Variants in COG6 observed in about 807,000 individuals in gnomAD.
The protein encoded by COG6 is component of oligomeric golgi complex 6.
COG6 carries 74 observed loss-of-function variants against 88.8 expected under a neutral mutation model. The ratio of observed to expected loss-of-function variants is 0.83; its 90% CI spans 0.69 to 1.01. The LOEUF is 1.01. Ranked by LOEUF, COG6 falls within the 50% of genes least tolerant of loss-of-function variation. The probability of loss-of-function intolerance (pLI) is 0.00; values close to 1 mark genes in which losing one functional copy is unlikely to be tolerated. For synonymous variants in COG6, 286 were observed against 278.7 expected (o/e 1.03, Z -0.26); for missense variants, 800 against 797.9 (o/e 1.00, Z -0.03).
chr13:39,721,785 T>G (rs1254529038), intron 15 of COG6, among the ~76,000 whole-genome samples: 1 of 152,090 alleles, frequency 6.6e-6, no homozygotes, highest in Non-Finnish European at 1.5e-5. Flanking sequence ...TTATATAGCT[T>G]CTTCCAGTGT....
In COG6 at chr13:39,682,181, A is replaced by G. The variant is rs1876352928; in HGVS notation, c.705A>G (p.Arg235=). 1 of 1,609,266 alleles carries G rather than the reference A, an allele frequency of 6.2e-7. No homozygotes were observed. The highest frequency in any genetic ancestry group is 1.3e-5 in the African/African-American group (1 of 74,908). ...TTAATTATTTTTCAGGTGAATGCAG[A>G]ACATTGACACAAGAATCATGTGACG... ...RLYRWAQSEC[R]TLTQESCDVS... Residue 235 remains arginine (R), a synonymous_variant, in exon 8 of 19, where the codon AGA becomes AGG. Coordinates refer to ENST00000455146, the MANE Select transcript of COG6 (RefSeq NM_020751.3).
intron 8 of COG6, among the ~76,000 whole-genome samples, chr13:39,684,268 T>TTTTTTTTTTTA (rs11435086): frequency 1.5e-5 from 2 of 134,028 alleles, no homozygotes; most frequent in Non-Finnish European, 3.2e-5. Flanking sequence ...TTTTTTTTTT[T>TTTTTTTTTTTA]GAGACGGAGT....
At chr13:39,684,243 A>AT (rs1203671335) in intron 8 of COG6, among the ~76,000 whole-genome samples, 17,797 of 66,306 alleles carry the variant, frequency 0.27, 4,377 homozygotes, top group African/African-American at 0.36. Context: ...AATTTGGAAG[A>AT]TTTTTTTTTT....
chr13:39,761,697 A>G (rs536361312), intron 18 of COG6, among the ~76,000 whole-genome samples: 46 of 151,858 alleles, frequency 3.0e-4, no homozygotes, highest in African/African-American at 1.1e-3. Flanking sequence ...AAAATATCCA[A>G]TTTTAAAAAT....
intron 1 of COG6, among the ~76,000 whole-genome samples, chr13:39,657,323 C>T (rs775978986): frequency 7.2e-5 from 11 of 152,174 alleles, no homozygotes; most frequent in Non-Finnish European, 1.0e-4. Context: ...TGAACCACTG[C>T]GCCCGGCCAC....
chr13:39,656,912 C>G, intron 1 of COG6: 1 of 454,790 alleles, frequency 2.2e-6, no homozygotes, highest in South Asian at 1.6e-5. Context: ...TGCAAAGAGC[C>G]TGGCACTTAC....
At chr13:39,776,796 G>T (rs1213179902) in intron 18 of COG6, among the ~76,000 whole-genome samples, 1 of 152,138 alleles carries the variant, frequency 6.6e-6, no homozygotes, top group African/African-American at 2.4e-5. Flanking sequence ...CTATCTAGCT[G>T]CTAGGAAAGT....
chr13:39,726,282 A>G (rs2138090257), intron 17 of COG6, among the ~76,000 whole-genome samples: 1 of 152,094 alleles, frequency 6.6e-6, no homozygotes, highest in Non-Finnish European at 1.5e-5. Context: ...TTAAATAGTT[A>G]TTAACCGAGT....
intron 5 of COG6, among the ~76,000 whole-genome samples, chr13:39,678,864 A>G (rs1174741627): frequency 1.3e-5 from 2 of 152,174 alleles, no homozygotes. Context: ...CTTTGCACAT[A>G]TGAAATATTT....
intron 13 of COG6, among the ~76,000 whole-genome samples, chr13:39,710,197 T>G (rs997225468): frequency 6.6e-6 from 1 of 152,168 alleles, no homozygotes; most frequent in Non-Finnish European, 1.5e-5. Flanking sequence ...TGTTCAGGCC[T>G]TGCACATCTT....
At chr13:39,682,383 A>C in intron 8 of COG6, 119 bp downstream of exon 8, 1 of 672,146 alleles carries the variant, frequency 1.5e-6, no homozygotes, top group Admixed American at 2.5e-5. Flanking sequence ...AATAATTTAC[A>C]ACAATACTGT....
chr13:39,672,368 G>A (rs1239297863), intron 4 of COG6, among the ~76,000 whole-genome samples: 1 of 151,868 alleles, frequency 6.6e-6, no homozygotes, highest in African/African-American at 2.4e-5. Context: ...TCATCATTAT[G>A]ATCTGAATTA....
At chr13:39,763,359 C>A (rs1236713952) in intron 18 of COG6, among the ~76,000 whole-genome samples, 2 of 151,710 alleles carry the variant, frequency 1.3e-5, no homozygotes, top group East Asian at 3.9e-4. Flanking sequence ...TAATGTTTAA[C>A]CATTTACAGT....
At chr13:39,755,142 C>T (rs545384997), downstream of COG6, among the ~76,000 whole-genome samples, 13 of 151,892 alleles carry the variant, frequency 8.6e-5, no homozygotes, top group African/African-American at 2.9e-4. Context: ...TTTCAGGACT[C>T]GAGAAACTAA....
At chr13:39,687,243 G>A (rs1446916537) in intron 8 of COG6, among the ~76,000 whole-genome samples, 2 of 152,002 alleles carry the variant, frequency 1.3e-5, no homozygotes, top group African/African-American at 2.4e-5. Flanking sequence ...CCTTATTACT[G>A]CTGCCTCTGC....
intron 3 of COG6, among the ~76,000 whole-genome samples, chr13:39,662,534 T>C (rs1465010739): frequency 6.6e-6 from 1 of 152,224 alleles, no homozygotes; most frequent in Non-Finnish European, 1.5e-5. Flanking sequence ...AGGAATAATT[T>C]ATGAATGGTA....
At chr13:39,732,288 A>G (rs190239313) in intron 18 of COG6, among the ~76,000 whole-genome samples, 121 of 152,352 alleles carry the variant, frequency 7.9e-4, no homozygotes, top group Non-Finnish European at 1.4e-3. Flanking sequence ...TTGATCTGTA[A>G]TTAAATTAAC....
intron 15 of COG6, among the ~76,000 whole-genome samples, chr13:39,722,453 G>A (rs913057231): frequency 5.9e-5 from 9 of 151,786 alleles, no homozygotes; most frequent in Non-Finnish European, 1.0e-4. Flanking sequence ...TTAGGGGGAC[G>A]AGCAGAGCTA....
intron 1 of COG6, 125 bp from the exon 2 acceptor site, chr13:39,659,239 C>T: frequency 1.2e-6 from 1 of 850,540 alleles, no homozygotes; most frequent in South Asian, 1.5e-5. Context: ...GAAGGTCATT[C>T]AATATTTTTC....
Sources: allele counts gnomAD v4.1 joint callset (sites outside exome capture counted in the v4.1 genomes callset), GRCh38; gene constraint gnomAD v4.1.1; transcripts MANE v1.5; gene names NCBI Gene and HGNC (gene_info 2026-07-23, HGNC 2026-07-21).